Variants in PRKN observed in about 807,000 individuals in gnomAD.
The protein encoded by PRKN is E3 ubiquitin-protein ligase parkin.
In PRKN, 56 loss-of-function variants were observed where a neutral mutation model predicts 59.5. The observed-to-expected ratio is 0.94, with a 90% confidence interval of 0.76 to 1.18. PRKN has a LOEUF of 1.18. Among genes scored for constraint, PRKN ranks in the 50% most tolerant of loss-of-function variants. PRKN has a pLI of 0.00. For missense variants in PRKN, 657 were observed against 596.4 expected (o/e 1.10, Z -1.06); for synonymous variants, 250 against 222.1 (o/e 1.13, Z -1.12).
chr6:161,772,298 C>T (rs1394153229), intron 7 of PRKN, among the ~76,000 whole-genome samples: 1 of 152,112 alleles, frequency 6.6e-6, no homozygotes, highest in African/African-American at 2.4e-5. Flanking sequence ...TGACTAGTTG[C>T]AAAAATCCAT....
At chr6:162,543,588 TC>T (rs1562370759) in intron 1 of PRKN, among the ~76,000 whole-genome samples, 1 of 152,002 alleles carries the variant, frequency 6.6e-6, no homozygotes, top group South Asian at 2.1e-4. Context: ...AAAAGGACCT[TC>T]CCCCAAACCA....
chr6:162,174,604 A>G (rs193008713), intron 4 of PRKN, among the ~76,000 whole-genome samples: 1 of 152,294 alleles, frequency 6.6e-6, no homozygotes, highest in East Asian at 1.9e-4. Context: ...TTATATAATC[A>G]TTTATCCAAA....
intron 1 of PRKN, among the ~76,000 whole-genome samples, chr6:162,611,846 A>G (rs1485175285): frequency 6.6e-6 from 1 of 152,188 alleles, no homozygotes; most frequent in Non-Finnish European, 1.5e-5. Context: ...ATACTTAGTT[A>G]TGACAAGAGT....
intron 1 of PRKN, among the ~76,000 whole-genome samples, chr6:162,466,536 C>T (rs562897389): frequency 6.6e-6 from 1 of 152,074 alleles, no homozygotes; most frequent in East Asian, 1.9e-4. Context: ...GTAAGCAGGA[C>T]AATAGGCATG....
intron 4 of PRKN, among the ~76,000 whole-genome samples, chr6:162,066,780 AACT>A (rs1425406122): frequency 6.6e-6 from 1 of 152,216 alleles, no homozygotes; most frequent in Non-Finnish European, 1.5e-5. Context: ...GCACAAAAAG[AACT>A]AAGACATTCT....
intron 5 of PRKN, among the ~76,000 whole-genome samples, chr6:162,005,625 C>T (rs929061554): frequency 1.3e-5 from 2 of 151,996 alleles, no homozygotes; most frequent in African/African-American, 4.8e-5. Context: ...GAATCTATTG[C>T]CCTGCCGAGA....
chr6:162,687,599 A>G (rs555110090), intron 1 of PRKN, among the ~76,000 whole-genome samples: 59 of 152,322 alleles, frequency 3.9e-4, no homozygotes, highest in African/African-American at 1.3e-3. Flanking sequence ...CAGAGGCTAT[A>G]TATCTAAAAA....
rs555826686 is a variant in PRKN at position 162,163,568 on chromosome 6, C to T, written c.534+37563G>A. On this transcript the variant is annotated intron_variant, in intron 4 of 11. Transcript: ENST00000366898. ...AGCGATGAGTGATGAAAAAGAAGCA[C>T]AACAATTCCAGTGACTGTATGAGAA... is the stretch of plus-strand genomic sequence containing the variant. Among the ~76,000 whole-genome samples the T allele has an allele frequency of 5.4e-5, 8 of 149,318 alleles. No individual in the cohort carries two copies. The South Asian group carries it at 1.7e-3, about 31-fold the overall frequency.
chr6:162,614,967 G>A (rs1027392136), intron 1 of PRKN, among the ~76,000 whole-genome samples: 2 of 152,108 alleles, frequency 1.3e-5, no homozygotes, highest in Non-Finnish European at 2.9e-5. Flanking sequence ...GTCCATGGTG[G>A]CTTTTTGCTT....
intron 4 of PRKN, among the ~76,000 whole-genome samples, chr6:162,140,094 A>T (rs940570212): frequency 1.3e-5 from 2 of 152,220 alleles, no homozygotes; most frequent in Non-Finnish European, 2.9e-5. Context: ...AAAACAGTTC[A>T]GCAGAATTAG....
At position 161,545,324 on chromosome 6, in the gene PRKN, G is replaced by A. The variant is rs2115418644; in HGVS notation, c.1083+3530C>T. 1 of 1,586,934 alleles carries A rather than the reference G, an allele frequency of 6.3e-7. No homozygotes were observed. Among genetic ancestry groups the A allele is most frequent in the Non-Finnish European group, 8.6e-7 (1 of 1,166,174 alleles). ...GACGTCTAGGGCTTTTTCCACATCTGGAACTCTGTAATTCTTCTATAGCTT... is the reference window on the plus strand; with the variant it reads ...GACGTCTAGGGCTTTTTCCACATCTAGAACTCTGTAATTCTTCTATAGCTT... On this transcript the variant is annotated intron_variant, in intron 9 of 11. Coordinates refer to ENST00000366898, the MANE Select transcript of PRKN (RefSeq NM_004562.3). The surrounding 1 kb of genome is among the most constrained non-coding windows in gnomAD (Gnocchi z 4.1).
intron 9 of PRKN, among the ~76,000 whole-genome samples, chr6:161,398,839 A>C (rs1562420799): frequency 6.6e-6 from 1 of 152,080 alleles, no homozygotes; most frequent in Non-Finnish European, 1.5e-5. Context: ...TGTAGTGAGG[A>C]GATGAGGAGG....
intron 6 of PRKN, among the ~76,000 whole-genome samples, chr6:161,898,568 G>A (rs1169312736): frequency 6.6e-6 from 1 of 152,160 alleles, no homozygotes; most frequent in Non-Finnish European, 1.5e-5. Context: ...GCTGAAGTGG[G>A]TCATGCAGAT....
intron 2 of PRKN, among the ~76,000 whole-genome samples, chr6:162,263,002 C>T (rs943628318): frequency 7.2e-5 from 11 of 152,020 alleles, no homozygotes; most frequent in Admixed American, 3.3e-4. Flanking sequence ...AGAATGCTGA[C>T]GTCATATTCA....
At chr6:162,549,532 T>C (rs1377161293) in intron 1 of PRKN, among the ~76,000 whole-genome samples, 1 of 152,136 alleles carries the variant, frequency 6.6e-6, no homozygotes, top group Non-Finnish European at 1.5e-5. Flanking sequence ...GATTAGTTTC[T>C]ACACACGTTT....
rs778641554 is a variant in PRKN at position 162,606,728 on chromosome 6, T to C, written c.7+120934A>G. ...AACAGTTGAGCAGTATAGTTATTTA[T>C]TATTTTTTGAGACAGTCTCACTCTG... On this transcript the variant is annotated intron_variant, in intron 1 of 11. Transcript: ENST00000366898. Among the ~76,000 whole-genome samples, 5 of 152,272 alleles carry C rather than the reference T, an allele frequency of 3.3e-5. No individual in the cohort carries two copies. The East Asian group carries it at 5.8e-4, about 18-fold the overall frequency.
chr6:162,280,961 A>G (rs1314081969), intron 2 of PRKN, among the ~76,000 whole-genome samples: 3 of 152,174 alleles, frequency 2.0e-5, no homozygotes, highest in Non-Finnish European at 4.4e-5. Flanking sequence ...AAAAAGAATG[A>G]GATCATGTCC....
At chr6:161,753,641 T>C (rs1788787914) in intron 7 of PRKN, among the ~76,000 whole-genome samples, 1 of 151,982 alleles carries the variant, frequency 6.6e-6, no homozygotes, top group Non-Finnish European at 1.5e-5. Context: ...GGAGGGCCCA[T>C]GAAACCTAGA....
chr6:161,545,069 G>A lies in PRKN; in HGVS notation c.1083+3785C>T. 5.8e-6 allele frequency: 5 copies of A among 858,334 alleles called. 1 individual carries two copies. In the South Asian group the frequency reaches 1.5e-4, roughly 26 times the overall value. The allele number at this position is 858,334 out of a possible 1,614,324, so 53.2% of individuals were successfully genotyped here. A position where few individuals can be genotyped will look rare whatever the true frequency, so the allele number is the denominator to read the frequency against. On this transcript the variant is annotated intron_variant, in intron 9 of 11. Coordinates refer to ENST00000366898, the MANE Select transcript of PRKN (RefSeq NM_004562.3). This position sits in a 1 kb window ranked among gnomAD's most constrained non-coding sequence, Gnocchi z 4.1. ...CTGGAGCCCAGAGCTCAACACATGGGTGTCTAGCTCCGAACAATTTTAAAT... is the reference window on the plus strand; with the variant it reads ...CTGGAGCCCAGAGCTCAACACATGGATGTCTAGCTCCGAACAATTTTAAAT...
Sources: gnomAD v4.1 joint callset for allele counts (sites outside exome capture counted in the v4.1 genomes callset) on GRCh38, gnomAD v4.1.1 for gene constraint, Gnocchi (gnomAD v3.1) non-coding constraint, MANE v1.5 for transcripts, NCBI Gene and HGNC (gene_info 2026-07-23, HGNC 2026-07-21) for gene names.